The following SEMA3A variants were observed in gnomAD, a reference collection of about 807,000 sequenced individuals.
The protein encoded by SEMA3A is semaphorin 3A.
A neutral mutation model predicts 97.9 loss-of-function variants in SEMA3A; 29 were observed. The ratio of observed to expected loss-of-function variants is 0.30; its 90% CI spans 0.22 to 0.40. The LOEUF is 0.40. Ranked by LOEUF, SEMA3A falls within the 10% of genes least tolerant of loss-of-function variation. The pLI, the probability that SEMA3A is intolerant of heterozygous loss-of-function variation, is 1.00. For missense variants in SEMA3A, 763 were observed against 951.3 expected (o/e 0.80, Z 2.60); for synonymous variants, 321 against 323.7 (o/e 0.99, Z 0.09).
intron 1 of SEMA3A, among the ~76,000 whole-genome samples, chr7:84,479,193 AGGGGAGAAACCT>A (rs954936278): frequency 7.2e-5 from 11 of 152,274 alleles, no homozygotes; most frequent in African/African-American, 2.4e-4. Context: ...GGGGATTGTA[AGGGGAGAAACCT>A]GGGGTGCCTT....
chr7:84,385,772 C>T (rs1024805015), intron 1 of SEMA3A, among the ~76,000 whole-genome samples: 8 of 152,154 alleles, frequency 5.3e-5, no homozygotes, highest in Non-Finnish European at 1.0e-4. Flanking sequence ...CATTACCAGA[C>T]ACTTATCTGT....
At chr7:84,437,449 A>C (rs540555493) in intron 1 of SEMA3A, among the ~76,000 whole-genome samples, 1 of 151,802 alleles carries the variant, frequency 6.6e-6, no homozygotes, top group African/African-American at 2.4e-5. Context: ...ATAGCTCATA[A>C]GATTGAATAC....
chr7:84,002,164 A>G, intron 11 of SEMA3A, 118 bp from the exon 12 acceptor site: 1 of 590,474 alleles, frequency 1.7e-6, no homozygotes, highest in Non-Finnish European at 2.9e-6. Flanking sequence ...CTTCCTTTTA[A>G]TTCATTTTTT....
intron 2 of SEMA3A, among the ~76,000 whole-genome samples, chr7:84,357,494 C>T (rs1372182569): frequency 6.6e-6 from 1 of 152,116 alleles, no homozygotes; most frequent in East Asian, 1.9e-4. Flanking sequence ...CATAGTATTC[C>T]ATTGTGTATA....
intron 3 of SEMA3A, among the ~76,000 whole-genome samples, chr7:84,268,627 C>T (rs1800071127): frequency 6.6e-6 from 1 of 152,056 alleles, no homozygotes; most frequent in South Asian, 2.1e-4. Flanking sequence ...GGGAGGGACC[C>T]ACCCTCAGGG....
At chr7:84,249,048 T>C (rs17158773) in intron 3 of SEMA3A, among the ~76,000 whole-genome samples, 2,629 of 152,292 alleles carry the variant, frequency 0.017, 76 homozygotes, top group African/African-American at 0.061. Flanking sequence ...TTCATGCAGT[T>C]CAACTTTTCG....
intron 4 of SEMA3A, among the ~76,000 whole-genome samples, chr7:84,089,576 T>A (rs181424236): frequency 1.3e-5 from 2 of 152,214 alleles, no homozygotes; most frequent in East Asian, 3.9e-4. Flanking sequence ...TACATAAACT[T>A]ATGCTATAAT....
At chr7:84,048,950 T>C (rs1425735407) in intron 5 of SEMA3A, among the ~76,000 whole-genome samples, 1 of 152,102 alleles carries the variant, frequency 6.6e-6, no homozygotes, top group Non-Finnish European at 1.5e-5. Flanking sequence ...TTGCATTTGG[T>C]TGTTTTATAA....
chr7:84,362,617 A>G (rs1802754294), intron 2 of SEMA3A, among the ~76,000 whole-genome samples: 1 of 151,978 alleles, frequency 6.6e-6, no homozygotes, highest in Non-Finnish European at 1.5e-5. Flanking sequence ...TAAGTTTGAT[A>G]TGGTTCAGAA....
At chr7:84,215,129 C>A (rs928226598) in intron 3 of SEMA3A, among the ~76,000 whole-genome samples, 2 of 151,844 alleles carry the variant, frequency 1.3e-5, no homozygotes, top group Non-Finnish European at 2.9e-5. Flanking sequence ...CCTCAGACTC[C>A]GAAAGTGTTG....
chr7:84,028,547 G>A (rs115591746), intron 6 of SEMA3A, among the ~76,000 whole-genome samples: 2,911 of 152,074 alleles, frequency 0.019, 81 homozygotes, highest in African/African-American at 0.067. Context: ...TAATGTAACT[G>A]GCTATATGCT....
At chr7:84,041,359 GAAT>G (rs952314332) in intron 6 of SEMA3A, among the ~76,000 whole-genome samples, 5 of 151,924 alleles carry the variant, frequency 3.3e-5, no homozygotes, top group African/African-American at 1.2e-4. Flanking sequence ...TTAGAGAGTA[GAAT>G]AATTTCATGG....
chr7:84,127,258 A>G (rs2116011468), intron 3 of SEMA3A, among the ~76,000 whole-genome samples: 1 of 152,088 alleles, frequency 6.6e-6, no homozygotes, highest in East Asian at 1.9e-4. Flanking sequence ...ATGTGTGATC[A>G]AATTCCTGCC....
At chr7:84,170,147 T>C (rs1012911994) in intron 1 of SEMA3A, among the ~76,000 whole-genome samples, 2 of 151,974 alleles carry the variant, frequency 1.3e-5, no homozygotes, top group Non-Finnish European at 2.9e-5. Context: ...AGTCCTGATG[T>C]AAGTTATGGA....
At chr7:84,445,499 AAAAAAAAAAAAAAAAAAAAAAG>A (rs1326332673) in intron 1 of SEMA3A, among the ~76,000 whole-genome samples, 1 of 134,886 alleles carries the variant, frequency 7.4e-6, no homozygotes, top group African/African-American at 3.0e-5. Context: ...ATCTCAAAAA[AAAAAAAAAAAAAAAAAAAAAAG>A]AAAAGAAAAG....
intron 4 of SEMA3A, among the ~76,000 whole-genome samples, chr7:84,089,351 T>C (rs7787984): frequency 0.41 from 62,806 of 152,056 alleles, 14,848 homozygotes; most frequent in Admixed American, 0.52. Flanking sequence ...AATGCAAATA[T>C]GTCAACAAGA....
intron 1 of SEMA3A, among the ~76,000 whole-genome samples, chr7:84,403,596 C>T (rs1249140666): frequency 6.6e-6 from 1 of 152,174 alleles, no homozygotes; most frequent in Non-Finnish European, 1.5e-5. Flanking sequence ...CAGACTGCCT[C>T]CTCAAGTGGG....
intron 1 of SEMA3A, among the ~76,000 whole-genome samples, chr7:84,460,615 C>T (rs184546525): frequency 6.6e-6 from 1 of 152,128 alleles, no homozygotes; most frequent in East Asian, 1.9e-4. Flanking sequence ...TGTACAGTTC[C>T]CAGTCCACTG....
intron 6 of SEMA3A, among the ~76,000 whole-genome samples, chr7:84,040,352 C>T (rs948719859): frequency 2.6e-5 from 4 of 151,862 alleles, no homozygotes; most frequent in African/African-American, 9.7e-5. Flanking sequence ...GCTCTAGGCT[C>T]ATCACACTTA....
Sources: gnomAD v4.1 joint callset for allele counts (sites outside exome capture counted in the v4.1 genomes callset) on GRCh38, gnomAD v4.1.1 for gene constraint, MANE v1.5 for transcripts, NCBI Gene and HGNC (gene_info 2026-07-23, HGNC 2026-07-21) for gene names.